The following HEMK2 variants were observed in gnomAD, a reference collection of about 807,000 sequenced individuals.
The protein encoded by HEMK2 is HemK methyltransferase 2, ETF1 glutamine and histone H4 lysine.
At chr21:28,741,220 T>A in the HEMK2 span, among the ~76,000 whole-genome samples, 2 of 152,208 alleles carry the variant, frequency 1.3e-5, no homozygotes, top group Middle Eastern at 3.4e-3. Context: ...AATGTCACAC[T>A]CACAAGTCAG....
chr21:28,623,397 T>A, the HEMK2 span, among the ~76,000 whole-genome samples: 4 of 152,252 alleles, frequency 2.6e-5, no homozygotes, highest in Admixed American at 2.6e-4. Context: ...GAGTACAAAT[T>A]AGTTCAACCA....
At chr21:28,619,267 A>G in the HEMK2 span, among the ~76,000 whole-genome samples, 2 of 152,230 alleles carry the variant, frequency 1.3e-5, no homozygotes, top group African/African-American at 4.8e-5. Context: ...TAGCAAACTA[A>G]TACACTGGCT....
chr21:28,645,593 T>C, the HEMK2 span, among the ~76,000 whole-genome samples: 1 of 152,098 alleles, frequency 6.6e-6, no homozygotes, highest in South Asian at 2.1e-4. Flanking sequence ...TGAGCCCCAT[T>C]GTTATGGTCT....
chr21:28,648,527 T>G, the HEMK2 span, among the ~76,000 whole-genome samples: 1 of 152,166 alleles, frequency 6.6e-6, no homozygotes, highest in Admixed American at 6.5e-5. Flanking sequence ...ACAGGAAAGG[T>G]ATTCAGGTAA....
the HEMK2 span, among the ~76,000 whole-genome samples, chr21:28,636,961 A>G: frequency 6.6e-6 from 1 of 152,198 alleles, no homozygotes; most frequent in African/African-American, 2.4e-5. Context: ...ACAAACCTGA[A>G]ATCTTAAACA....
At chr21:28,828,388 A>C in the HEMK2 span, among the ~76,000 whole-genome samples, 1 of 152,186 alleles carries the variant, frequency 6.6e-6, no homozygotes, top group South Asian at 2.1e-4. Context: ...GTGACCTTGA[A>C]GCCCTCATTT....
At chr21:28,648,892 G>A in the HEMK2 span, among the ~76,000 whole-genome samples, 10 of 151,692 alleles carry the variant, frequency 6.6e-5, no homozygotes, top group African/African-American at 2.2e-4. Context: ...CCAGTAACTC[G>A]TCATTTAACA....
At chr21:28,758,628 TAGTA>T in the HEMK2 span, among the ~76,000 whole-genome samples, 1 of 152,202 alleles carries the variant, frequency 6.6e-6, no homozygotes, top group Non-Finnish European at 1.5e-5. Context: ...AAATTCTTAA[TAGTA>T]AGGCAACAAG....
At chr21:28,868,968 T>C in the HEMK2 span, among the ~76,000 whole-genome samples, 1 of 152,040 alleles carries the variant, frequency 6.6e-6, no homozygotes, top group Non-Finnish European at 1.5e-5. Context: ...CCTATCCTTT[T>C]CCCTTTCATT....
At chr21:28,630,736 ACAT>A in the HEMK2 span, among the ~76,000 whole-genome samples, 1 of 139,142 alleles carries the variant, frequency 7.2e-6, no homozygotes, top group Non-Finnish European at 1.5e-5. Flanking sequence ...CAATGAGAAC[ACAT>A]GGACACAGGA....
chr21:28,768,395 C>T, the HEMK2 span, among the ~76,000 whole-genome samples: 1 of 143,388 alleles, frequency 7.0e-6, no homozygotes, highest in Non-Finnish European at 1.5e-5. Context: ...TTGTGCTCAC[C>T]TTATTTCATG....
chr21:28,744,568 A>T, the HEMK2 span, among the ~76,000 whole-genome samples: 14 of 152,226 alleles, frequency 9.2e-5, no homozygotes, highest in Non-Finnish European at 2.1e-4. Context: ...CCTGTTTCAT[A>T]GTAGCAAAGG....
At chr21:28,774,017 T>G in the HEMK2 span, among the ~76,000 whole-genome samples, 2 of 152,168 alleles carry the variant, frequency 1.3e-5, no homozygotes, top group African/African-American at 4.8e-5. Flanking sequence ...TTCTTACACC[T>G]GCAACACTGG....
At chr21:28,837,751 G>C in the HEMK2 span, among the ~76,000 whole-genome samples, 1 of 152,072 alleles carries the variant, frequency 6.6e-6, no homozygotes, top group African/African-American at 2.4e-5. Context: ...TGAACAAAAA[G>C]CTGGCTCTTT....
chr21:28,833,195 CT>C, the HEMK2 span, among the ~76,000 whole-genome samples: 1 of 149,292 alleles, frequency 6.7e-6, no homozygotes, highest in African/African-American at 2.5e-5. Context: ...AAAAGAATAT[CT>C]GATCAGAAAG....
At chr21:28,604,063 A>G in the HEMK2 span, among the ~76,000 whole-genome samples, 1 of 152,224 alleles carries the variant, frequency 6.6e-6, no homozygotes, top group Admixed American at 6.5e-5. Flanking sequence ...AGATCTTGCA[A>G]GTCATCCTGG....
the HEMK2 span, among the ~76,000 whole-genome samples, chr21:28,836,410 T>C: frequency 1.3e-5 from 2 of 152,078 alleles, no homozygotes; most frequent in Non-Finnish European, 2.9e-5. Flanking sequence ...GAAGGAAAGA[T>C]AGTCTTTTTT....
At chr21:28,831,455 A>AAAGAAAGAAAGAAAGAAAAGAAAGAAAG in the HEMK2 span, among the ~76,000 whole-genome samples, 4 of 56,968 alleles carry the variant, frequency 7.0e-5, no homozygotes, top group Admixed American at 5.0e-4. Context: ...AAAAAGAAAG[A>AAAGAAAGAAAGAAAGAAAAGAAAGAAAG]AAAGAACGAA....
the HEMK2 span, among the ~76,000 whole-genome samples, chr21:28,863,953 A>T: frequency 6.6e-6 from 1 of 152,062 alleles, no homozygotes; most frequent in Admixed American, 6.5e-5. Flanking sequence ...TCAGCCTCCC[A>T]AGTAGCTGGG....
Sources: gnomAD v4.1 joint callset for allele counts (sites outside exome capture counted in the v4.1 genomes callset) on GRCh38, gnomAD v4.1.1 for gene constraint, MANE v1.5 for transcripts, NCBI Gene and HGNC (gene_info 2026-07-23, HGNC 2026-07-21) for gene names.